The following NRG1 variants were observed in gnomAD, a reference collection of about 807,000 sequenced individuals.
NRG1 encodes neuregulin 1.
In NRG1, 18 loss-of-function variants were observed where a neutral mutation model predicts 63.8. The ratio of observed to expected loss-of-function variants is 0.28; its 90% CI spans 0.19 to 0.42. The LOEUF (loss-of-function observed/expected upper bound fraction) is 0.42, where lower values mean the gene tolerates loss of function less well. Ranked by LOEUF, NRG1 falls within the 10% of genes least tolerant of loss-of-function variation. The pLI is 1.00. For synonymous variants in NRG1, 302 were observed against 301.3 expected, an observed-to-expected ratio of 1.00 and a Z score of -0.02; for missense variants, 762 against 814.7, an observed-to-expected ratio of 0.94 and a Z score of 0.79.
intron 1 of NRG1, among the ~76,000 whole-genome samples, chr8:31,727,031 G>A (rs1304351165): frequency 6.6e-6 from 1 of 152,040 alleles, no homozygotes; most frequent in African/African-American, 2.4e-5. Flanking sequence ...ATTGTCTAAG[G>A]GGTTGTTGGG....
At chr8:32,153,516 G>A (rs1296750433) in intron 1 of NRG1, among the ~76,000 whole-genome samples, 1 of 152,196 alleles carries the variant, frequency 6.6e-6, no homozygotes, top group Non-Finnish European at 1.5e-5. Context: ...TGCAAAGAAA[G>A]TATGTATTAA....
chr8:32,608,305 A>T (rs1450177648), intron 3 of NRG1, among the ~76,000 whole-genome samples: 2 of 151,430 alleles, frequency 1.3e-5, no homozygotes, highest in Non-Finnish European at 2.9e-5. Flanking sequence ...CAGCCCCCTG[A>T]GTAGCCAGGT....
At chr8:31,863,958 G>C (rs1391350732) in intron 1 of NRG1, among the ~76,000 whole-genome samples, 1 of 152,128 alleles carries the variant, frequency 6.6e-6, no homozygotes, top group Non-Finnish European at 1.5e-5. Flanking sequence ...TCTTCAACTT[G>C]TATAGTTGTA....
chr8:32,329,310 C>A (rs1246731401), intron 1 of NRG1, among the ~76,000 whole-genome samples: 1 of 152,062 alleles, frequency 6.6e-6, no homozygotes, highest in African/African-American at 2.4e-5. Context: ...TATTTGTTAA[C>A]CATGATCTCA....
At chr8:32,515,839 A>G (rs1829769039) in intron 1 of NRG1, among the ~76,000 whole-genome samples, 2 of 152,080 alleles carry the variant, frequency 1.3e-5, no homozygotes, top group Admixed American at 1.3e-4. Flanking sequence ...TTAGTTTGCA[A>G]ATATTTTCTC....
At chr8:32,278,869 C>T (rs1471896) in intron 1 of NRG1, among the ~76,000 whole-genome samples, 5,682 of 152,274 alleles carry the variant, frequency 0.037, 199 homozygotes, top group African/African-American at 0.092. Context: ...TGGCAGCTGA[C>T]GTCTATTGTC....
chr8:31,718,126 A>C (rs1812543290), intron 1 of NRG1, among the ~76,000 whole-genome samples: 1 of 152,050 alleles, frequency 6.6e-6, no homozygotes, highest in Admixed American at 6.5e-5. Context: ...TTTTGTAAGG[A>C]GTGAAATACC....
At chr8:32,655,906 T>G (rs1014444201) in intron 5 of NRG1, among the ~76,000 whole-genome samples, 1 of 152,150 alleles carries the variant, frequency 6.6e-6, no homozygotes, top group Non-Finnish European at 1.5e-5. Context: ...TTAGATGTGG[T>G]GCAGGGGAAG....
chr8:31,672,192 C>T (rs1361294898), intron 1 of NRG1, among the ~76,000 whole-genome samples: 3 of 152,026 alleles, frequency 2.0e-5, no homozygotes, highest in Non-Finnish European at 4.4e-5. Flanking sequence ...GAGAATGTTT[C>T]CTACCTCAGC....
At chr8:31,646,208 T>C (rs1804271405) in intron 1 of NRG1, among the ~76,000 whole-genome samples, 1 of 152,242 alleles carries the variant, frequency 6.6e-6, no homozygotes, top group Admixed American at 6.5e-5. Flanking sequence ...CCCAAGGCTC[T>C]GTCTTTGGAC....
chr8:31,809,743 T>TGG (rs1822684498), intron 1 of NRG1, among the ~76,000 whole-genome samples: 1 of 60,942 alleles, frequency 1.6e-5, no homozygotes, highest in Non-Finnish European at 3.0e-5. Context: ...TATTAATTGT[T>TGG]TTTTTTTTTT....
chr8:31,796,206 A>G (rs1821188162), intron 1 of NRG1, among the ~76,000 whole-genome samples: 1 of 152,114 alleles, frequency 6.6e-6, no homozygotes, highest in South Asian at 2.1e-4. Context: ...GAAAACTAGG[A>G]AGAAATAGAC....
intron 1 of NRG1, among the ~76,000 whole-genome samples, chr8:32,016,702 A>G (rs1174419458): frequency 6.6e-6 from 1 of 152,134 alleles, no homozygotes; most frequent in Non-Finnish European, 1.5e-5. Flanking sequence ...ATTCTCAGTC[A>G]TTTCCATTCC....
chr8:32,429,500 C>T (rs564840811), intron 1 of NRG1, among the ~76,000 whole-genome samples: 25 of 152,216 alleles, frequency 1.6e-4, no homozygotes, highest in Non-Finnish European at 3.5e-4. Flanking sequence ...GTAACTTACG[C>T]AAATATGTAT....
At chr8:32,347,754 T>C (rs1370885446) in intron 1 of NRG1, among the ~76,000 whole-genome samples, 2 of 152,178 alleles carry the variant, frequency 1.3e-5, no homozygotes, top group African/African-American at 4.8e-5. Flanking sequence ...CGAGAAGGGT[T>C]AGACAAAACA....
chr8:31,660,549 G>C lies in NRG1; in HGVS notation c.37+21118G>C, dbSNP rs182626066. Among the ~76,000 whole-genome samples the C allele has an allele frequency of 2.9e-3, 448 of 152,312 alleles. 4 individuals carry two copies. The highest frequency in any genetic ancestry group is 9.4e-3 in the African/African-American group (389 of 41,570). On this transcript the variant is annotated intron_variant, in intron 1 of 10. Coordinates refer to the NRG1 transcript ENST00000519301. Reference sequence around the variant, plus strand: ...TTTGGAAAAACAATTAAAACAAGGAGAGTCTTATTATTTGCCCTATCTTTG... The same window carrying C: ...TTTGGAAAAACAATTAAAACAAGGACAGTCTTATTATTTGCCCTATCTTTG...
At chr8:31,704,086 A>G (rs1209098236) in intron 1 of NRG1, among the ~76,000 whole-genome samples, 1 of 152,162 alleles carries the variant, frequency 6.6e-6, no homozygotes, top group Middle Eastern at 3.2e-3. Context: ...TTTCTCTGAC[A>G]CATATCAGAT....
intron 1 of NRG1, among the ~76,000 whole-genome samples, chr8:31,663,568 C>T (rs1266121972): frequency 6.6e-6 from 1 of 152,090 alleles, no homozygotes; most frequent in Non-Finnish European, 1.5e-5. Flanking sequence ...TGTGGGTGTC[C>T]TACTGCACCC....
rs1852527361 is a variant in NRG1, at chr8:32,279,997, T to C, written c.38-315831T>C. Reference sequence around the variant, plus strand: ...TTAGGACAGTGCCCAGACTTCTGACTTCACTACGGAGGCTAGGAACCAAGT... The same window carrying C: ...TTAGGACAGTGCCCAGACTTCTGACCTCACTACGGAGGCTAGGAACCAAGT... On this transcript the variant is annotated intron_variant, in intron 1 of 10. Coordinates refer to the NRG1 transcript ENST00000519301. 2.6e-5 allele frequency among the ~76,000 whole-genome samples: 4 copies of C among 152,218 alleles called. No homozygotes were observed. In the South Asian group the frequency reaches 8.3e-4, roughly 32 times the overall value.
Sources: gnomAD v4.1 joint callset for allele counts (sites outside exome capture counted in the v4.1 genomes callset) on GRCh38, gnomAD v4.1.1 for gene constraint, MANE v1.5 for transcripts, NCBI Gene and HGNC (gene_info 2026-07-23, HGNC 2026-07-21) for gene names.